Variants in LDAF1 observed in about 807,000 individuals in gnomAD.
LDAF1 encodes PROMETHIN.
LDAF1 carries 7 observed loss-of-function variants against 13.5 expected under a neutral mutation model. That is an observed-to-expected ratio of 0.52 (90% CI 0.29 to 0.97). LDAF1 has a LOEUF of 0.97. LDAF1 is among the 50% of genes least tolerant of loss of function. The probability of loss-of-function intolerance (pLI) is 0.07; values close to 1 mark genes in which losing one functional copy is unlikely to be tolerated. For synonymous variants in LDAF1, 69 were observed against 77.1 expected, an observed-to-expected ratio of 0.89 and a Z score of 0.55; for missense variants, 148 against 193.2, an observed-to-expected ratio of 0.77 and a Z score of 1.39.
chr16:21,159,189 C>T (rs997651377), intron 1 of LDAF1: 186 of 886,408 alleles, frequency 2.1e-4, no homozygotes, highest in South Asian at 8.8e-4. Context: ...AGGTCCCCTT[C>T]CCCATCGCTG....
intron 3 of LDAF1, among the ~76,000 whole-genome samples, chr16:21,171,080 A>G (rs1371232845): frequency 6.6e-6 from 1 of 152,184 alleles, no homozygotes; most frequent in Non-Finnish European, 1.5e-5. Flanking sequence ...AATGCTAGCT[A>G]TTATTATTAA....
chr16:21,163,902 A>G (rs867680284), intron 2 of LDAF1, among the ~76,000 whole-genome samples: 4 of 152,030 alleles, frequency 2.6e-5, no homozygotes, highest in Non-Finnish European at 4.4e-5. Flanking sequence ...GTTTCTCACC[A>G]TTTTGGCCAC....
At chr16:21,162,031 C>G (rs1235404216) in intron 2 of LDAF1, among the ~76,000 whole-genome samples, 1 of 151,980 alleles carries the variant, frequency 6.6e-6, no homozygotes. Flanking sequence ...GTGGTAAGGC[C>G]TGTAGTCCCA....
At chr16:21,170,024 C>T (rs1433037523) in intron 2 of LDAF1, among the ~76,000 whole-genome samples, 1 of 151,286 alleles carries the variant, frequency 6.6e-6, no homozygotes, top group Non-Finnish European at 1.5e-5. Flanking sequence ...GTGACCTTGG[C>T]TCACTGCAAC....
Position 21,162,528 on chromosome 16 carries a change from T to C in LDAF1, c.96+1250T>C, listed in dbSNP as rs192590579. Among the ~76,000 whole-genome samples, 368 of 152,384 alleles carry C rather than the reference T, an allele frequency of 2.4e-3. 1 individual carries two copies. Among genetic ancestry groups the C allele is most frequent in the African/African-American group, 8.5e-3 (354 of 41,590 alleles). On this transcript the variant is annotated intron_variant, in intron 2 of 4. Coordinates refer to ENST00000233047, the MANE Select transcript of LDAF1 (RefSeq NM_001301771.2). ...ATTTTGTATGTCATTCTAGACCTTT[T>C]TTCTATGCAATATACCTATAAAAAT...
intron 2 of LDAF1, among the ~76,000 whole-genome samples, chr16:21,168,125 G>T (rs572914243): frequency 7.2e-5 from 11 of 151,798 alleles, no homozygotes; most frequent in African/African-American, 2.4e-4. Context: ...AACGATTCTC[G>T]TGCCTCAGCC....
intron 4 of LDAF1, among the ~76,000 whole-genome samples, chr16:21,178,005 T>A (rs1365754518): frequency 3.3e-5 from 5 of 152,206 alleles, no homozygotes; most frequent in Admixed American, 6.5e-5. Flanking sequence ...AGGAGCTATA[T>A]AATTTATTTC....
intron 2 of LDAF1, chr16:21,167,009 C>A: frequency 1.7e-6 from 2 of 1,174,014 alleles, no homozygotes; most frequent in Middle Eastern, 2.2e-4. Context: ...GCAGTGAGGT[C>A]AGCGGGCATT....
intron 3 of LDAF1, among the ~76,000 whole-genome samples, 180 bp downstream of exon 3, chr16:21,170,785 C>T (rs751478344): frequency 2.0e-5 from 3 of 152,104 alleles, no homozygotes; most frequent in African/African-American, 4.8e-5. Flanking sequence ...GGATTATGGC[C>T]ATGGGCTACC....
chr16:21,159,377 T>A, intron 1 of LDAF1: 1 of 1,614,158 alleles, frequency 6.2e-7, no homozygotes, highest in South Asian at 1.1e-5. Context: ...TTTTGAACGC[T>A]GAAAGGCTGG....
chr16:21,159,962 G>C, intron 1 of LDAF1: 2 of 985,274 alleles, frequency 2.0e-6, no homozygotes, highest in Non-Finnish European at 2.4e-6. Flanking sequence ...GGTGGGATTA[G>C]TCCCCTCCTC....
rs989880043 is a variant in LDAF1 at position 21,166,050 on chromosome 16, CGG to C, written c.97-4384_97-4383del. Among the ~76,000 whole-genome samples, 36 of 151,882 alleles carry C rather than the reference CGG, an allele frequency of 2.4e-4. 1 individual carries two copies. Among genetic ancestry groups the C allele is most frequent in the Non-Finnish European group, 4.4e-5 (3 of 67,998 alleles). On this transcript the variant is annotated intron_variant, in intron 2 of 4. Transcript: ENST00000233047. ...AATTTTTTTGTATTTTTACTAGAGA[CGG>C]GGTTTCACCATGTTGACCAGGCTGG...
chr16:21,167,047 G>A (rs1257173112), intron 2 of LDAF1: 6 of 783,310 alleles, frequency 7.7e-6, no homozygotes, highest in Non-Finnish European at 1.2e-5. Flanking sequence ...GGCAGGGAGT[G>A]AAATTGGCCA....
At chr16:21,165,135 T>C (rs1421581070) in intron 2 of LDAF1, among the ~76,000 whole-genome samples, 2 of 152,202 alleles carry the variant, frequency 1.3e-5, no homozygotes, top group Non-Finnish European at 1.5e-5. Flanking sequence ...TCTAAATGAC[T>C]TTCTCTTTGA....
chr16:21,166,566 G>A (rs949358664), intron 2 of LDAF1, among the ~76,000 whole-genome samples: 3 of 152,224 alleles, frequency 2.0e-5, no homozygotes, highest in Non-Finnish European at 4.4e-5. Flanking sequence ...GTGTCCTGGT[G>A]TCCCAGCCTC....
chr16:21,163,210 G>A (rs529734635), intron 2 of LDAF1, among the ~76,000 whole-genome samples: 7 of 152,092 alleles, frequency 4.6e-5, no homozygotes, highest in South Asian at 2.1e-4. Flanking sequence ...AAGCATAAAC[G>A]TGGCACTAAA....
chr16:21,176,287 C>T (rs756104422), intron 4 of LDAF1, among the ~76,000 whole-genome samples: 16 of 152,162 alleles, frequency 1.1e-4, no homozygotes, highest in Non-Finnish European at 1.5e-4. Flanking sequence ...ATTGTTTCCA[C>T]GTGGGCAGAG....
intron 4 of LDAF1, among the ~76,000 whole-genome samples, chr16:21,175,468 G>A (rs2093130655): frequency 3.9e-5 from 6 of 152,214 alleles, no homozygotes; most frequent in Admixed American, 3.9e-4. Context: ...CAGACAGGAA[G>A]TATTTAGTAA....
intron 3 of LDAF1, among the ~76,000 whole-genome samples, chr16:21,172,323 T>C (rs2093097098): frequency 6.6e-6 from 1 of 151,922 alleles, no homozygotes; most frequent in African/African-American, 2.4e-5. Context: ...GGTGGGCACC[T>C]GTATCCCAGC....
Sources: allele counts gnomAD v4.1 joint callset (sites outside exome capture counted in the v4.1 genomes callset), GRCh38; gene constraint gnomAD v4.1.1; transcripts MANE v1.5; gene names NCBI Gene and HGNC (gene_info 2026-07-23, HGNC 2026-07-21).